The following OCRL variants were observed in gnomAD, a reference collection of about 807,000 sequenced individuals.
The protein encoded by OCRL is inositol polyphosphate 5-phosphatase OCRL.
Under a neutral mutation model 78.9 loss-of-function variants are expected in OCRL, and 8 were observed. That is an observed-to-expected ratio of 0.10 (90% CI 0.06 to 0.18). OCRL has a LOEUF of 0.18. OCRL is among the 10% of genes least tolerant of loss of function. The pLI, the probability that OCRL is intolerant of heterozygous loss-of-function variation, is 1.00. For missense variants in OCRL, 454 were observed against 696.7 expected (o/e 0.65, Z 3.92); for synonymous variants, 240 against 235.4 (o/e 1.02, Z -0.18).
intron 4 of OCRL, among the ~76,000 whole-genome samples, chrX:129,555,004 A>AAATAAATAAAT (rs1338328438): frequency 1.4e-4 from 13 of 95,919 alleles, no homozygotes; most frequent in Non-Finnish European, 2.2e-4. Context: ...AATAAATAAA[A>AAATAAATAAAT]ATAAGAGGGT....
At position 129,558,644 on chromosome X, in the gene OCRL, T is replaced by C; in HGVS notation, c.451T>C (p.Phe151Leu). Residue 151 changes from phenylalanine (F) to leucine (L), a missense_variant, in exon 7 of 24, where the codon TTT (phenylalanine) becomes CTT (leucine). By Grantham distance (22) the Phe-to-Leu change is conservative. Coordinates refer to ENST00000371113, the MANE Select transcript of OCRL (RefSeq NM_000276.4). Reference protein sequence around the residue: ...KPSVFSGLLGFEDNFSSMNLD... With the variant: ...KPSVFSGLLGLEDNFSSMNLD... ...TCTGTGTCTTTCAGGGCTTCTTGGA[T>C]TTGAAGACAATTTTTCTTCTATGAA... The C allele has an allele frequency of 8.3e-7, 1 of 1,211,695 alleles. No homozygotes were observed. Among genetic ancestry groups the C allele is most frequent in the Non-Finnish European group, 1.1e-6 (1 of 895,351 alleles).
rs950450059 is a variant in OCRL at position 129,540,283 on chromosome X, C to T, written c.-157C>T. 16 of 592,750 alleles carry T rather than the reference C, an allele frequency of 2.7e-5. No individual in the cohort carries two copies. Among genetic ancestry groups the T allele is most frequent in the Admixed American group, 2.2e-4 (8 of 36,318 alleles). The allele number at this position is 592,750 out of a possible 1,213,427, so 48.8% of individuals were successfully genotyped here. On this transcript the variant is annotated 5_prime_UTR_variant, in exon 1 of 24. Coordinates refer to ENST00000371113, the MANE Select transcript of OCRL (RefSeq NM_000276.4). The stretch of plus-strand genomic sequence containing the variant: ...TCTCTCTTGGGTCAGATTCTCAGCT[C>T]CCAGCTCCCCGCTCCCGGCTCCCGG...
Position 129,557,884 on chromosome X carries a change from G to A in OCRL, c.373G>A (p.Glu125Lys). Residue 125 changes from glutamate to lysine, a missense_variant, in exon 6 of 24, where the codon GAG becomes AAG. Around this residue, in one of 2 missense-constraint regions of OCRL, gnomAD observed 177 missense variants for 179.6 expected, o/e 0.99. Coordinates refer to ENST00000371113, the MANE Select transcript of OCRL (RefSeq NM_000276.4). ...AGCTCAGTCACAGCTTCTTGTTCCA[G>A]AGCAAAAGGACTCATCTAGCTGGTA... ...QKAQSQLLVP[E>K]QKDSSSWYQK... The A allele has an allele frequency of 8.3e-7, 1 of 1,201,522 alleles. No homozygotes were observed. The highest frequency in any genetic ancestry group is 1.1e-6 in the Non-Finnish European group (1 of 886,029).
chrX:129,586,565 GGAA>G (rs748556003), intron 19 of OCRL, among the ~76,000 whole-genome samples: 5 of 112,119 alleles, frequency 4.5e-5, no homozygotes, highest in Non-Finnish European at 9.4e-5. Context: ...AAGACCTGAA[GGAA>G]GAGTAAGTTA....
At chrX:129,549,926 C>T (rs887280156) in intron 4 of OCRL, 1 of 111,918 alleles carries the variant, frequency 8.9e-6, no homozygotes, top group Non-Finnish European at 1.9e-5. Context: ...AGGTAAGTGA[C>T]CACTTGAATA....
rs1936361608 is a variant in OCRL at position 129,575,887 on chromosome X, TA to T, written c.1714-9del. ...GTGATGCATGTTTGTGTCTGTCTGT[TA>T]TTCCCCAGTTTGTGTTTGAAAATGT... On this transcript the variant is annotated splice_polypyrimidine_tract_variant and intron_variant, in intron 16 of 23. Coordinates refer to ENST00000371113, the MANE Select transcript of OCRL (RefSeq NM_000276.4). 4.1e-6 allele frequency: 5 copies of T among 1,211,675 alleles called. No individual in the cohort carries two copies. The East Asian group carries it at 1.5e-4, about 36-fold the overall frequency.
At chrX:129,545,232 A>G (rs1192496718) in intron 3 of OCRL, among the ~76,000 whole-genome samples, 195 bp downstream of exon 3, 1 of 112,682 alleles carries the variant, frequency 8.9e-6, no homozygotes, top group Non-Finnish European at 1.9e-5. Flanking sequence ...ATATTTGTAT[A>G]TGTGTGTCTA....
In OCRL at chrX:129,548,544, C is replaced by CT. The variant is rs765652296; in HGVS notation, c.200-11dup. On this transcript the variant is annotated intron_variant, in intron 3 of 23. Coordinates refer to ENST00000371113, the MANE Select transcript of OCRL (RefSeq NM_000276.4). ...GTTTTCTCTTCCCTAATCCTACTCT[C>CT]TTTTTTTTCCCCTCTCAGAAGCAGA... 2.2e-4 allele frequency: 265 copies of CT among 1,184,837 alleles called. No individual in the cohort carries two copies. The highest frequency in any genetic ancestry group is 2.7e-4 in the Non-Finnish European group (236 of 872,481).
chrX:129,548,824 G>A (rs1222026049), intron 4 of OCRL, among the ~76,000 whole-genome samples: 1 of 112,063 alleles, frequency 8.9e-6, no homozygotes, highest in Non-Finnish European at 1.9e-5. Context: ...AAAAAATAAT[G>A]ATCTACCTTT....
intron 8 of OCRL, among the ~76,000 whole-genome samples, chrX:129,559,285 A>G (rs1403074880): frequency 9.0e-6 from 1 of 110,993 alleles, no homozygotes; most frequent in Non-Finnish European, 1.9e-5. Context: ...TGTAGCCTCA[A>G]CCTCTCAGTC....
intron 4 of OCRL, among the ~76,000 whole-genome samples, chrX:129,557,077 TCGGG>T (rs1308896615): frequency 9.0e-6 from 1 of 111,267 alleles, no homozygotes; most frequent in Non-Finnish European, 1.9e-5. Flanking sequence ...TATCCTTAGA[TCGGG>T]CTGCTCATGG....
At chrX:129,572,405 G>GT (rs2099636104) in intron 15 of OCRL, among the ~76,000 whole-genome samples, 1 of 112,581 alleles carries the variant, frequency 8.9e-6, no homozygotes, top group Admixed American at 9.3e-5. Context: ...ATTCTTTGGG[G>GT]TTCCCCCCCT....
intron 15 of OCRL, among the ~76,000 whole-genome samples, chrX:129,573,867 A>G (rs1686791499): frequency 8.9e-6 from 1 of 111,921 alleles, no homozygotes; most frequent in Non-Finnish European, 1.9e-5. Flanking sequence ...GCCTGATCTC[A>G]TTCCTTTTTA....
intron 1 of OCRL, 48 bp downstream of exon 1, chrX:129,540,526 T>TGGGGGTCGGGGGC: frequency 6.2e-6 from 1 of 162,548 alleles, no homozygotes. Flanking sequence ...GGGCCGGGGG[T>TGGGGGTCGGGGGC]GGGGGTCGGG....
chrX:129,560,443 T>C (rs913169498), intron 8 of OCRL, 107 bp from the exon 9 acceptor site: 5 of 496,811 alleles, frequency 1.0e-5, no homozygotes, highest in African/African-American at 7.0e-5. Context: ...TGAGGAATTA[T>C]GTTAGCATAT....
chrX:129,567,396 T>G, intron 14 of OCRL, 33 bp downstream of exon 14: 1 of 1,002,076 alleles, frequency 1.0e-6, no homozygotes, highest in Non-Finnish European at 1.4e-6. Context: ...ACAGAGAAGG[T>G]TAAGGCTTGA....
chrX:129,576,978 A>G (rs1362974267), intron 18 of OCRL, among the ~76,000 whole-genome samples: 2 of 111,754 alleles, frequency 1.8e-5, no homozygotes, highest in Non-Finnish European at 3.8e-5. Flanking sequence ...AAATACCATC[A>G]GTTAGTAACA....
In OCRL at chrX:129,558,649, A is replaced by G; in HGVS notation, c.456A>G (p.Glu152=). Residue 152 remains glutamate, a synonymous_variant, in exon 7 of 24, where the codon GAA becomes GAG. Transcript: ENST00000371113. ...PSVFSGLLGF[E]DNFSSMNLDK... ...GTCTTTCAGGGCTTCTTGGATTTGA[A>G]GACAATTTTTCTTCTATGAATTTGG... The G allele has an allele frequency of 7.4e-6, 9 of 1,211,772 alleles. No individual in the cohort carries two copies. Among genetic ancestry groups the G allele is most frequent in the Non-Finnish European group, 1.0e-5 (9 of 895,370 alleles).
At chrX:129,576,094 G>C (rs1366151093) in intron 17 of OCRL, 32 bp downstream of exon 17, 1 of 1,170,171 alleles carries the variant, frequency 8.5e-7, no homozygotes, top group Admixed American at 2.2e-5. Flanking sequence ...GTCTCTGCTG[G>C]TGATGTCATG....
Sources: allele counts gnomAD v4.1 joint callset (sites outside exome capture counted in the v4.1 genomes callset), GRCh38; gene constraint gnomAD v4.1.1; regional missense constraint gnomAD v4.1.1; transcripts MANE v1.5; gene names NCBI Gene and HGNC (gene_info 2026-07-23, HGNC 2026-07-21).